CSMD1: variants seen among roughly 807,000 people sequenced by gnomAD.
The protein encoded by CSMD1 is CUB and sushi domain-containing protein 1.
CSMD1 carries 213 observed loss-of-function variants against 417.5 expected under a neutral mutation model. That is an observed-to-expected ratio of 0.51 (90% CI 0.46 to 0.57). The LOEUF (loss-of-function observed/expected upper bound fraction) is 0.57. CSMD1 is among the 20% of genes least tolerant of loss of function. The pLI is 0.00. For missense variants in CSMD1, 6,923 were observed against 4,529.7 expected (o/e 1.53, Z -15.17); for synonymous variants, 2,862 against 1,736.8 (o/e 1.65, Z -16.11).
At chr8:4,397,596 T>A (rs531328585) in intron 3 of CSMD1, among the ~76,000 whole-genome samples, 3 of 139,048 alleles carry the variant, frequency 2.2e-5, no homozygotes, top group African/African-American at 7.9e-5. Context: ...GTGCAGCACC[T>A]GAGATTCACT....
At chr8:3,796,026 T>C (rs192945584) in intron 5 of CSMD1, among the ~76,000 whole-genome samples, 4,281 of 40,462 alleles carry the variant, frequency 0.11, 1,514 homozygotes, top group African/African-American at 0.21. Context: ...ATATCATGTA[T>C]AGATATAGAT....
At chr8:4,442,124 A>G (rs1371841188) in intron 2 of CSMD1, among the ~76,000 whole-genome samples, 1 of 152,152 alleles carries the variant, frequency 6.6e-6, no homozygotes, top group East Asian at 1.9e-4. Flanking sequence ...TCCCACTCTT[A>G]TCTCCTGTCC....
chr8:4,330,320 C>T (rs1329651236), intron 3 of CSMD1, among the ~76,000 whole-genome samples: 3 of 151,514 alleles, frequency 2.0e-5, no homozygotes, highest in East Asian at 1.9e-4. Context: ...TTGGGCTGGG[C>T]GTGCTGGCTC....
intron 5 of CSMD1, among the ~76,000 whole-genome samples, chr8:3,847,611 C>G (rs1044507413): frequency 1.3e-5 from 2 of 152,108 alleles, no homozygotes; most frequent in African/African-American, 2.4e-5. Flanking sequence ...GTCCTTGATT[C>G]CAGACCGATG....
chr8:4,786,244 A>G (rs755572450), intron 1 of CSMD1, among the ~76,000 whole-genome samples: 1 of 152,230 alleles, frequency 6.6e-6, no homozygotes. Flanking sequence ...GGGTTAAAAA[A>G]TATCCATTTA....
chr8:3,654,393 A>G (rs1283504665), intron 7 of CSMD1, among the ~76,000 whole-genome samples: 1 of 152,170 alleles, frequency 6.6e-6, no homozygotes, highest in Non-Finnish European at 1.5e-5. Context: ...TAAATAGCAG[A>G]GATGTAAAGT....
chr8:2,997,085 C>A (rs1806967317), intron 54 of CSMD1, among the ~76,000 whole-genome samples: 1 of 152,214 alleles, frequency 6.6e-6, no homozygotes, highest in Non-Finnish European at 1.5e-5. Context: ...CTCTGGTTTC[C>A]TTTGCATTCT....
chr8:3,463,872 G>A (rs191802720), intron 12 of CSMD1, among the ~76,000 whole-genome samples: 17 of 152,232 alleles, frequency 1.1e-4, no homozygotes, highest in African/African-American at 2.9e-4. Flanking sequence ...ACAACACACA[G>A]CCTCACTTCC....
intron 3 of CSMD1, among the ~76,000 whole-genome samples, chr8:4,295,261 T>C (rs998517507): frequency 1.0e-5 from 1 of 99,274 alleles, no homozygotes; most frequent in Admixed American, 1.1e-4. Context: ...AGATTTTCTA[T>C]ATAATCTTAA....
intron 5 of CSMD1, among the ~76,000 whole-genome samples, chr8:3,940,295 G>T (rs561741612): frequency 4.6e-5 from 7 of 152,012 alleles, no homozygotes; most frequent in Admixed American, 3.9e-4. Context: ...TTTTAGGGTG[G>T]TGAATTTATA....
At chr8:4,309,095 C>G (rs1162818352) in intron 3 of CSMD1, among the ~76,000 whole-genome samples, 2 of 152,058 alleles carry the variant, frequency 1.3e-5, no homozygotes, top group Admixed American at 6.6e-5. Flanking sequence ...TTTGTAGTCA[C>G]TTGTTCTATC....
At position 3,452,551 on chromosome 8, in the gene CSMD1, C is replaced by A. The variant is rs574372578; in HGVS notation, c.1561+16161G>T. 7.3e-4 allele frequency among the ~76,000 whole-genome samples: 111 copies of A among 152,200 alleles called. 2 individuals carry two copies. Among genetic ancestry groups the A allele is most frequent in the Admixed American group, 7.3e-3 (111 of 15,288 alleles). On this transcript the variant is annotated intron_variant, in intron 12 of 69. Coordinates refer to ENST00000635120, the MANE Select transcript of CSMD1 (RefSeq NM_033225.6). ...AGTGTTGTTGAATTTTGTCAAAGGC[C>A]TTTTCTGCATCTATTGAGATAATCA...
chr8:4,771,516 T>C (rs1796596674), intron 1 of CSMD1, among the ~76,000 whole-genome samples: 1 of 152,244 alleles, frequency 6.6e-6, no homozygotes, highest in South Asian at 2.1e-4. Context: ...CTGATTCATT[T>C]AGAAGTTATT....
chr8:3,437,194 C>T (rs1814620174), intron 12 of CSMD1, among the ~76,000 whole-genome samples: 1 of 152,126 alleles, frequency 6.6e-6, no homozygotes, highest in Admixed American at 6.6e-5. Context: ...AAGGGGAAAA[C>T]TCATAAAAAT....
Position 3,359,186 on chromosome 8 carries a change from G to T in CSMD1, c.3270C>A (p.Arg1090=), listed in dbSNP as rs1201081920. 1 of 1,613,948 alleles carries T rather than the reference G, an allele frequency of 6.2e-7. No individual in the cohort carries two copies. The highest frequency in any genetic ancestry group is 8.5e-7 in the Non-Finnish European group (1 of 1,179,944). Residue 1090 remains arginine (R), a synonymous_variant, in exon 21 of 70, where the codon CGC becomes CGA. Transcript: ENST00000635120. ...ATKLTCLGGG[R]RVWSAPLPRC... ...TTGGCAGAGGTGCACTCCACACACG[G>T]CGGCCCCCACCCAGGCAGGTAAGCT...
intron 1 of CSMD1, among the ~76,000 whole-genome samples, chr8:4,895,215 T>C (rs868094372): frequency 6.6e-6 from 1 of 152,186 alleles, no homozygotes; most frequent in African/African-American, 2.4e-5. Context: ...GCTAACCATG[T>C]ACAACTAAGA....
At chr8:4,218,930 C>T (rs1800855024) in intron 3 of CSMD1, among the ~76,000 whole-genome samples, 1 of 152,182 alleles carries the variant, frequency 6.6e-6, no homozygotes, top group African/African-American at 2.4e-5. Flanking sequence ...CCCTTGGGGT[C>T]ATTCTCTGAG....
rs560446810 is a variant in CSMD1, at chr8:3,159,751, G to C, written c.5845-1785C>G. Among the ~76,000 whole-genome samples the C allele has an allele frequency of 2.6e-5, 4 of 152,280 alleles. No individual in the cohort carries two copies. The East Asian group carries it at 5.8e-4, about 22-fold the overall frequency. ...ATTTGAAAAACAGAGCTAATAAACG[G>C]TCTGCTGGGACTGTGCAGAAGTGCA... On this transcript the variant is annotated intron_variant, in intron 38 of 69. Coordinates refer to ENST00000635120, the MANE Select transcript of CSMD1 (RefSeq NM_033225.6).
At chr8:3,365,909 C>G (rs991134743) in intron 20 of CSMD1, among the ~76,000 whole-genome samples, 1 of 152,150 alleles carries the variant, frequency 6.6e-6, no homozygotes, top group African/African-American at 2.4e-5. Flanking sequence ...AGCAGTAGAG[C>G]TGTTGTTTAT....
Sources: allele counts gnomAD v4.1 joint callset (sites outside exome capture counted in the v4.1 genomes callset), GRCh38; gene constraint gnomAD v4.1.1; transcripts MANE v1.5; gene names NCBI Gene and HGNC (gene_info 2026-07-23, HGNC 2026-07-21).